TICRR: variants seen among roughly 807,000 people sequenced by gnomAD.
TICRR encodes the protein treslin.
Under a neutral mutation model 178.1 loss-of-function variants are expected in TICRR, and 132 were observed. The ratio of observed to expected loss-of-function variants is 0.74; its 90% confidence interval spans 0.64 to 0.86. TICRR has a LOEUF of 0.86. Among genes scored for constraint, TICRR ranks in the 40% least tolerant of loss-of-function variants. The pLI, the probability that TICRR is intolerant of heterozygous loss-of-function variation, is 0.00. For synonymous variants in TICRR, 991 were observed against 900.7 expected, an observed-to-expected ratio of 1.10 and a Z score of -1.79; for missense variants, 2,587 against 2,334.3, an observed-to-expected ratio of 1.11 and a Z score of -2.23.
rs201589321 is a variant in TICRR at position 89,599,441 on chromosome 15, T to A, written c.2018T>A (p.Met673Lys). Residue 673 changes from methionine (M) to lysine (K), a missense_variant, in exon 8 of 22, where the codon ATG becomes AAG. Transcript: ENST00000268138. ...CGAAACATGATCTCAACCGTTAAAATGTTCCTAAAATCAAAAGGCACCAAG... is the reference window on the plus strand; with the variant it reads ...CGAAACATGATCTCAACCGTTAAAAAGTTCCTAAAATCAAAAGGCACCAAG... ...CARNMISTVK[M>K]FLKSKGTKEL... 6.9e-4 allele frequency: 1,118 copies of A among 1,613,364 alleles called. 2 individuals are homozygous for A. The highest frequency in any genetic ancestry group is 9.1e-4 in the Non-Finnish European group (1,070 of 1,179,766).
Position 89,601,922 on chromosome 15 carries a change from G to A in TICRR, c.2513G>A (p.Ser838Asn). The part of the protein sequence containing the change: ...LSSARRSVSG[S>N]PESDELQELR... ...AGTGCTCGTAGATCAGTGTCAGGCAGCCCTGAATCTGATGAACTGCAGGAA... is the reference window on the plus strand; with the variant it reads ...AGTGCTCGTAGATCAGTGTCAGGCAACCCTGAATCTGATGAACTGCAGGAA... The change falls in exon 12 of 22, where the codon AGC becomes AAC. Residue 838 changes from serine to asparagine, a missense_variant. Physicochemically the swap from Ser to Asn is conservative, Grantham distance 46. Coordinates refer to ENST00000268138, the MANE Select transcript of TICRR (RefSeq NM_152259.4). 2.5e-6 allele frequency: 4 copies of A among 1,614,102 alleles called. No homozygotes were observed. Among genetic ancestry groups the A allele is most frequent in the Non-Finnish European group, 2.5e-6 (3 of 1,179,998 alleles).
At position 89,626,581 on chromosome 15, in the gene TICRR, T is replaced by C. The variant is rs544715696; in HGVS notation, c.5603-375T>C. On this transcript the variant is annotated intron_variant, in intron 21 of 21. Coordinates refer to ENST00000268138, the MANE Select transcript of TICRR (RefSeq NM_152259.4). ...GCAATGTTGCCTTCTGCTGCTAGAATCAAAGGGGGAGTGCAGGAGGAGGGG... is the reference window on the plus strand; with the variant it reads ...GCAATGTTGCCTTCTGCTGCTAGAACCAAAGGGGGAGTGCAGGAGGAGGGG... Among the ~76,000 whole-genome samples, 6 of 152,168 alleles carry C rather than the reference T, an allele frequency of 3.9e-5. No individual in the cohort carries two copies. In the South Asian group the frequency reaches 6.2e-4, roughly 16 times the overall value.
chr15:89,576,854 TATATATAC>T (rs1317198508), intron 1 of TICRR, among the ~76,000 whole-genome samples: 1,182 of 75,796 alleles, frequency 0.016, 27 homozygotes, highest in African/African-American at 0.048. Context: ...TATATATATA[TATATATAC>T]ACACACACAC....
At chr15:89,587,676 A>G (rs536469357) in intron 4 of TICRR, among the ~76,000 whole-genome samples, 3 of 152,266 alleles carry the variant, frequency 2.0e-5, no homozygotes, top group Non-Finnish European at 4.4e-5. Context: ...TCAACTGAGC[A>G]ATGTGGATGC....
At position 89,627,217 on chromosome 15, in the gene TICRR, GT is replaced by G; in HGVS notation, c.*135del. 2 of 1,129,526 alleles carry G rather than the reference GT, an allele frequency of 1.8e-6. No homozygotes were observed. Among genetic ancestry groups the G allele is most frequent in the Non-Finnish European group, 1.3e-6 (1 of 796,900 alleles). 70.0% of individuals were successfully genotyped at this position (1,129,526 alleles called of 1,614,324 possible). A position where few individuals can be genotyped will look rare whatever the true frequency, so the allele number is the denominator to read the frequency against. ...CAGATTGCCATTAGAATGCCTTAGG[GT>G]TTTCTAATTCCCCTTATGGATCCAA... On this transcript the variant is annotated 3_prime_UTR_variant, in exon 22 of 22. Coordinates refer to ENST00000268138, the MANE Select transcript of TICRR (RefSeq NM_152259.4).
intron 17 of TICRR, among the ~76,000 whole-genome samples, 153 bp downstream of exon 17, chr15:89,618,363 A>C (rs1269897140): frequency 6.6e-6 from 1 of 152,178 alleles, no homozygotes. Flanking sequence ...TTTATAAGTG[A>C]ATGTTCTTCT....
chr15:89,618,126 A>G (rs1286859453), intron 16 of TICRR, 26 bp from the exon 17 acceptor site: 7 of 1,612,052 alleles, frequency 4.3e-6, no homozygotes, highest in Non-Finnish European at 5.9e-6. Context: ...GGTATGGAGT[A>G]ATCCTTGTGC....
chr15:89,583,065 G>T, intron 2 of TICRR, 100 bp downstream of exon 2: 1 of 1,244,578 alleles, frequency 8.0e-7, no homozygotes, highest in Non-Finnish European at 1.1e-6. Context: ...TCACAGCCCA[G>T]GCACTCAACG....
intron 17 of TICRR, among the ~76,000 whole-genome samples, chr15:89,619,313 C>A (rs899285604): frequency 1.3e-5 from 2 of 148,306 alleles, no homozygotes; most frequent in African/African-American, 5.0e-5. Context: ...GCAACCTCCA[C>A]CTCCCAGGTT....
rs1963552574 is a variant in TICRR at position 89,627,401 on chromosome 15, G to A, written c.*315G>A. 2 of 330,454 alleles carry A rather than the reference G, an allele frequency of 6.1e-6. No individual in the cohort carries two copies. Among genetic ancestry groups the A allele is most frequent in the Admixed American group, 4.4e-5 (1 of 22,706 alleles). The allele number at this position is 330,454 out of a possible 1,614,324, so 20.5% of individuals were successfully genotyped here. ...AACCATGACCTTGGCAAGTCAGGGG[G>A]CCACTCTGCCTCATTTATGCAAATG... On this transcript the variant is annotated 3_prime_UTR_variant, in exon 22 of 22. Transcript: ENST00000268138.
chr15:89,599,222 C>T, intron 7 of TICRR, 102 bp from the exon 8 acceptor site: 1 of 674,796 alleles, frequency 1.5e-6, no homozygotes, highest in South Asian at 2.1e-5. Flanking sequence ...GCCAAATGTT[C>T]CCTGCAAGGA....
intron 19 of TICRR, among the ~76,000 whole-genome samples, chr15:89,622,268 G>A (rs893507922): frequency 1.3e-5 from 2 of 152,080 alleles, no homozygotes; most frequent in Non-Finnish European, 2.9e-5. Flanking sequence ...TTACAGGCAT[G>A]AGCCACTGCG....
intron 4 of TICRR, among the ~76,000 whole-genome samples, chr15:89,587,677 A>T (rs903454805): frequency 2.6e-5 from 4 of 152,116 alleles, no homozygotes; most frequent in Non-Finnish European, 4.4e-5. Flanking sequence ...CAACTGAGCA[A>T]TGTGGATGCT....
intron 4 of TICRR, among the ~76,000 whole-genome samples, chr15:89,591,096 C>T (rs1962903797): frequency 6.6e-6 from 1 of 152,136 alleles, no homozygotes; most frequent in African/African-American, 2.4e-5. Context: ...AGTTTTGTTA[C>T]TGTATATTTA....
chr15:89,588,057 A>C (rs2141956151), intron 4 of TICRR, among the ~76,000 whole-genome samples: 1 of 152,212 alleles, frequency 6.6e-6, no homozygotes, highest in Middle Eastern at 3.4e-3. Context: ...CAACTGGGGG[A>C]AGGCAAAAAT....
At chr15:89,619,969 T>C (rs1389766560) in intron 18 of TICRR, 127 bp downstream of exon 18, 11 of 1,193,540 alleles carry the variant, frequency 9.2e-6, no homozygotes, top group South Asian at 3.2e-5. Context: ...GTATGTCTAG[T>C]TGAGGTTCAG....
intron 7 of TICRR, among the ~76,000 whole-genome samples, 154 bp from the exon 8 acceptor site, chr15:89,599,170 A>AC (rs1963050591): frequency 6.7e-6 from 1 of 149,460 alleles, no homozygotes; most frequent in Non-Finnish European, 1.5e-5. Flanking sequence ...GCCAGCAGCC[A>AC]CCCCCGCCCC....
In TICRR at chr15:89,575,854, C is replaced by G. The variant is rs371327246; in HGVS notation, c.268C>G (p.Leu90Val). The change falls in exon 1 of 22, where the codon CTG becomes GTG. Residue 90 changes from leucine to valine, a missense_variant. By Grantham distance (32) the Leu-to-Val change is conservative (BLOSUM62 1). Coordinates refer to ENST00000268138, the MANE Select transcript of TICRR (RefSeq NM_152259.4). ...GGCCAGGCTCGAGGATCGCGCCCACCTGCCCGGCCCGGCGCCCAGGGCCAC... is the reference window on the plus strand; with the variant it reads ...GGCCAGGCTCGAGGATCGCGCCCACGTGCCCGGCCCGGCGCCCAGGGCCAC... ...LEARLEDRAH[L>V]PGPAPRATHT... 1.4e-4 allele frequency: 217 copies of G among 1,585,676 alleles called. 2 individuals are homozygous for G. In the African/African-American group the frequency reaches 2.7e-3, roughly 20 times the overall value.
Position 89,624,800 on chromosome 15 carries a change from A to G in TICRR, c.4490A>G (p.Glu1497Gly). The G allele has an allele frequency of 6.2e-7, 1 of 1,614,190 alleles. No individual in the cohort carries two copies. Among genetic ancestry groups the G allele is most frequent in the Non-Finnish European group, 8.5e-7 (1 of 1,180,040 alleles). The change falls in exon 20 of 22, where the codon GAG (glutamate) becomes GGG (glycine). Residue 1497 changes from glutamate to glycine, a missense_variant. Physicochemically the swap from Glu to Gly is moderately conservative, Grantham distance 98. Coordinates refer to ENST00000268138, the MANE Select transcript of TICRR (RefSeq NM_152259.4). The stretch of plus-strand genomic sequence containing the variant: ...GAGGGGCTAAGGACAGCAGATGCTG[A>G]GAAGTCTTCTCTGTCTCACCCTGGG... ...EGEGLRTADA[E>G]KSSLSHPGIP...
Sources: allele counts gnomAD v4.1 joint callset (sites outside exome capture counted in the v4.1 genomes callset), GRCh38; gene constraint gnomAD v4.1.1; transcripts MANE v1.5; gene names NCBI Gene and HGNC (gene_info 2026-07-23, HGNC 2026-07-21).